The following DOCK11 variants were observed in gnomAD, a reference collection of about 807,000 sequenced individuals.
The protein encoded by DOCK11 is dedicator of cytokinesis 11, also known as dedicator of cytokinesis protein 11.
A neutral mutation model predicts 169.1 loss-of-function variants in DOCK11; 70 were observed. The ratio of observed to expected loss-of-function variants is 0.41; its 90% confidence interval spans 0.34 to 0.51. The LOEUF (loss-of-function observed/expected upper bound fraction) is 0.51, where lower values mean the gene tolerates loss of function less well. DOCK11 is among the 20% of genes least tolerant of loss of function. The pLI is 0.10. For missense variants in DOCK11, 1,166 were observed against 1,538.8 expected, an observed-to-expected ratio of 0.76 and a Z score of 4.05; for synonymous variants, 529 against 541.3, an observed-to-expected ratio of 0.98 and a Z score of 0.32.
intron 1 of DOCK11, among the ~76,000 whole-genome samples, chrX:118,526,566 CTG>C (rs2011381523): frequency 8.9e-6 from 1 of 112,106 alleles, no homozygotes; most frequent in Admixed American, 9.4e-5. Flanking sequence ...TGGCCAGAGA[CTG>C]TAGTTTCTAC....
chrX:118,543,020 G>A lies in DOCK11; in HGVS notation c.309+5G>A. On this transcript the variant is annotated splice_donor_5th_base_variant and intron_variant, in intron 3 of 52. Transcript: ENST00000276202. ...CAGAGTTTATTTGTTAAAGAGGTAA[G>A]AGGCTCAAAGGCCACAGAAGAATAT... 8.5e-7 allele frequency: 1 copy of A among 1,177,946 alleles called. No individual in the cohort carries two copies. Among genetic ancestry groups the A allele is most frequent in the Non-Finnish European group, 1.2e-6 (1 of 867,164 alleles).
intron 12 of DOCK11, 92 bp downstream of exon 12, chrX:118,574,110 T>C (rs1464936079): frequency 4.3e-6 from 4 of 933,660 alleles, no homozygotes; most frequent in East Asian, 6.6e-5. Flanking sequence ...AATGTTTTCA[T>C]GGCATTCTCT....
intron 48 of DOCK11, among the ~76,000 whole-genome samples, chrX:118,679,482 A>G (rs1211003972): frequency 8.9e-6 from 1 of 112,007 alleles, no homozygotes; most frequent in Admixed American, 9.5e-5. Context: ...GCTCATGCCT[A>G]TAATCCCAAC....
In DOCK11 at chrX:118,545,344, G is replaced by A; in HGVS notation, c.414G>A (p.Lys138=). The change falls in exon 5 of 53, where the codon AAG becomes AAA. Residue 138 remains lysine, a synonymous_variant. Coordinates refer to ENST00000276202, the MANE Select transcript of DOCK11 (RefSeq NM_144658.4). Reference sequence around the variant, plus strand: ...GCAGTAAATCTTTGAGACCAGAAAAGATTCCTAATCATGTATTTGAGATAG... The same window carrying A: ...GCAGTAAATCTTTGAGACCAGAAAAAATTCCTAATCATGTATTTGAGATAG... ...MLPCKSLRPE[K]IPNHVFEIDE... 2.5e-6 allele frequency: 3 copies of A among 1,200,090 alleles called. No individual in the cohort carries two copies. Among genetic ancestry groups the A allele is most frequent in the Non-Finnish European group, 3.4e-6 (3 of 889,808 alleles).
At chrX:118,624,510 G>A (rs763454535) in intron 31 of DOCK11, 29 bp from the exon 32 acceptor site, 5 of 934,705 alleles carry the variant, frequency 5.3e-6, no homozygotes, top group East Asian at 6.2e-5. Context: ...TATTATATAC[G>A]TATTAAGCTT....
intron 21 of DOCK11, 34 bp from the exon 22 acceptor site, chrX:118,597,996 A>G: frequency 9.5e-7 from 1 of 1,057,032 alleles, no homozygotes. Context: ...TCTATCCATT[A>G]TTATGTTATA....
At chrX:118,567,639 G>C (rs1404801644) in intron 9 of DOCK11, among the ~76,000 whole-genome samples, 2 of 110,603 alleles carry the variant, frequency 1.8e-5, no homozygotes, top group East Asian at 5.7e-4. Context: ...CACCTTGTTG[G>C]CCAGGCTGGT....
chrX:118,651,043 A>G (rs1428005265), intron 41 of DOCK11, among the ~76,000 whole-genome samples: 2 of 112,012 alleles, frequency 1.8e-5, no homozygotes, highest in South Asian at 3.7e-4. Flanking sequence ...ACACATGGCT[A>G]TTACTGTATC....
At position 118,542,956 on chromosome X, in the gene DOCK11, G is replaced by C. The variant is rs939278422; in HGVS notation, c.250G>C (p.Val84Leu). Residue 84 changes from valine to leucine, a missense_variant, in exon 3 of 53, where the codon GTG becomes CTG. Coordinates refer to ENST00000276202, the MANE Select transcript of DOCK11 (RefSeq NM_144658.4). Reference protein sequence around the residue: ...ISVIGRQRRTVQSTVPEDAEK... With the variant: ...ISVIGRQRRTLQSTVPEDAEK... ...GGTGATAGGTCGTCAACGCAGAACG[G>C]TGCAGTCTACTGTACCAGAAGATGC... The C allele has an allele frequency of 5.0e-6, 6 of 1,209,188 alleles. No individual in the cohort carries two copies. Among genetic ancestry groups the C allele is most frequent in the African/African-American group, 1.8e-5 (1 of 56,970 alleles).
chrX:118,643,684 C>A, intron 40 of DOCK11, 90 bp downstream of exon 40: 1 of 1,009,285 alleles, frequency 9.9e-7, no homozygotes, highest in Non-Finnish European at 1.4e-6. Flanking sequence ...GTGACATATA[C>A]AATGCCAGCT....
chrX:118,537,811 G>A (rs1277531532), intron 1 of DOCK11, among the ~76,000 whole-genome samples: 1 of 111,563 alleles, frequency 9.0e-6, no homozygotes, highest in Non-Finnish European at 1.9e-5. Context: ...ACCAAGAAGT[G>A]GACTGCAACT....
chrX:118,673,352 A>G (rs1029840948), intron 46 of DOCK11, among the ~76,000 whole-genome samples: 3 of 111,635 alleles, frequency 2.7e-5, no homozygotes, highest in African/African-American at 9.8e-5. Context: ...CACGCCTGTG[A>G]TTCCGGCCAC....
intron 42 of DOCK11, among the ~76,000 whole-genome samples, chrX:118,653,794 C>T (rs1474127453): frequency 2.7e-5 from 3 of 111,818 alleles, no homozygotes; most frequent in Non-Finnish European, 5.6e-5. Flanking sequence ...CCTGTCTCTT[C>T]CTCATCATCT....
rs1279301266 is a variant in DOCK11 at position 118,572,308 on chromosome X, C to T, written c.1036-15C>T. On this transcript the variant is annotated splice_polypyrimidine_tract_variant and intron_variant, in intron 10 of 52. Coordinates refer to ENST00000276202, the MANE Select transcript of DOCK11 (RefSeq NM_144658.4). ...CATCTTTTTTTGAAAATGATTCATA[C>T]TATCTCTTTTATAGAGGTTGGACTT... The T allele has an allele frequency of 8.9e-7, 1 of 1,128,756 alleles. No individual in the cohort carries two copies. Among genetic ancestry groups the T allele is most frequent in the Non-Finnish European group, 1.2e-6 (1 of 844,826 alleles). The allele number at this position is 1,128,756 out of a possible 1,213,427, so 93.0% of individuals were successfully genotyped here. A position where few individuals can be genotyped will look rare whatever the true frequency, so the allele number is the denominator to read the frequency against.
intron 6 of DOCK11, among the ~76,000 whole-genome samples, chrX:118,559,911 C>T (rs956173814): frequency 1.3e-4 from 14 of 108,816 alleles, no homozygotes; most frequent in African/African-American, 4.7e-4. Flanking sequence ...TATAAATATA[C>T]CCACACATTC....
At chrX:118,659,949 A>G (rs1051918967) in intron 44 of DOCK11, among the ~76,000 whole-genome samples, 9 of 111,351 alleles carry the variant, frequency 8.1e-5, no homozygotes, top group African/African-American at 2.9e-4. Context: ...ACAGATGGGA[A>G]TTTTTTTTCT....
At chrX:118,660,371 T>C (rs2016181964) in intron 44 of DOCK11, among the ~76,000 whole-genome samples, 1 of 112,310 alleles carries the variant, frequency 8.9e-6, no homozygotes, top group Non-Finnish European at 1.9e-5. Flanking sequence ...TCCAGTACTT[T>C]GAATAGAACT....
At chrX:118,638,779 A>G (rs1025597431) in intron 37 of DOCK11, among the ~76,000 whole-genome samples, 2 of 111,436 alleles carry the variant, frequency 1.8e-5, no homozygotes, top group African/African-American at 6.5e-5. Context: ...GAGGGTTCCA[A>G]TTTCAACCAT....
intron 41 of DOCK11, among the ~76,000 whole-genome samples, chrX:118,649,880 C>CA (rs1194747611): frequency 9.0e-6 from 1 of 111,661 alleles, no homozygotes; most frequent in African/African-American, 3.3e-5. Flanking sequence ...CTTAGCCTCT[C>CA]AGTGCCTCAG....
Sources: allele counts gnomAD v4.1 joint callset (sites outside exome capture counted in the v4.1 genomes callset), GRCh38; gene constraint gnomAD v4.1.1; transcripts MANE v1.5; gene names NCBI Gene and HGNC (gene_info 2026-07-23, HGNC 2026-07-21).